Variants in ACVR1 observed in about 807,000 individuals in gnomAD.
ACVR1 encodes the protein activin receptor type-1.
ACVR1 carries 38 observed loss-of-function variants against 57.1 expected under a neutral mutation model. That is an observed-to-expected ratio of 0.67 (90% confidence interval 0.51 to 0.87). The LOEUF is 0.87. ACVR1 is among the 40% of genes least tolerant of loss of function. The pLI, the probability that ACVR1 is intolerant of heterozygous loss-of-function variation, is 0.00. For synonymous variants in ACVR1, 212 were observed against 228.1 expected, an observed-to-expected ratio of 0.93 and a Z score of 0.63; for missense variants, 463 against 638.2, an observed-to-expected ratio of 0.73 and a Z score of 2.96.
chr2:157,801,424 T>C (rs189853307), intron 2 of ACVR1, among the ~76,000 whole-genome samples: 4 of 152,352 alleles, frequency 2.6e-5, no homozygotes, highest in Admixed American at 6.5e-5. Context: ...ATATTATTAA[T>C]GCAAGCACCA....
chr2:157,801,036 C>A (rs1481845402), intron 2 of ACVR1, among the ~76,000 whole-genome samples: 1 of 152,152 alleles, frequency 6.6e-6, no homozygotes, highest in Non-Finnish European at 1.5e-5. Context: ...CAGTCTCCAG[C>A]ACTGGTCCAC....
chr2:157,841,472 G>A (rs917672049), intron 1 of ACVR1, among the ~76,000 whole-genome samples: 1 of 152,114 alleles, frequency 6.6e-6, no homozygotes, highest in African/African-American at 2.4e-5. Flanking sequence ...TTTAACGACC[G>A]CATTTACCTA....
At chr2:157,749,760 T>C (rs1685109070) in intron 9 of ACVR1, among the ~76,000 whole-genome samples, 1 of 152,102 alleles carries the variant, frequency 6.6e-6, no homozygotes, top group South Asian at 2.1e-4. Flanking sequence ...AAGCATGCCA[T>C]CTGGAGGTCT....
At chr2:157,867,043 T>G (rs2105384899) in intron 1 of ACVR1, among the ~76,000 whole-genome samples, 1 of 152,324 alleles carries the variant, frequency 6.6e-6, no homozygotes, top group East Asian at 1.9e-4. Context: ...AGGGCTCAAG[T>G]AAGCATTCTT....
intron 3 of ACVR1, among the ~76,000 whole-genome samples, chr2:157,786,947 G>C (rs750366890): frequency 2.6e-5 from 4 of 151,960 alleles, no homozygotes; most frequent in Non-Finnish European, 5.9e-5. Context: ...GTGGGGAAGA[G>C]AGAATTACAT....
intron 10 of ACVR1, among the ~76,000 whole-genome samples, chr2:157,737,904 C>A (rs1472230020): frequency 6.6e-6 from 1 of 152,136 alleles, no homozygotes; most frequent in South Asian, 2.1e-4. Context: ...ATTAGGTAAA[C>A]GACATAGGCC....
rs1413755699 is a variant in ACVR1 at position 157,761,184 on chromosome 2, G to A, written c.1067-107C>T. ...TCAAAAGTGCCCTCTTGTGGATCCA[G>A]GGTCACTGTTGCAATACACTCAGAA... On this transcript the variant is annotated intron_variant, in intron 8 of 10. Coordinates refer to ENST00000434821, the MANE Select transcript of ACVR1 (RefSeq NM_001111067.4). 1.5e-5 allele frequency: 16 copies of A among 1,058,122 alleles called. No individual in the cohort carries two copies. In the East Asian group the frequency reaches 3.6e-4, roughly 24 times the overall value. 65.5% of individuals were successfully genotyped at this position (1,058,122 alleles called of 1,614,324 possible).
At chr2:157,758,642 CAT>C (rs1455930922) in intron 9 of ACVR1, among the ~76,000 whole-genome samples, 1 of 152,046 alleles carries the variant, frequency 6.6e-6, no homozygotes, top group Non-Finnish European at 1.5e-5. Context: ...CTGAACAGAT[CAT>C]CTAGACAGAA....
At chr2:157,766,526 T>G (rs1049097521) in intron 7 of ACVR1, among the ~76,000 whole-genome samples, 3 of 152,232 alleles carry the variant, frequency 2.0e-5, no homozygotes, top group African/African-American at 7.2e-5. Flanking sequence ...CATGTTGATA[T>G]TTTAGGAACA....
At position 157,864,219 on chromosome 2, in the gene ACVR1, AT is replaced by A. The variant is rs546464416; in HGVS notation, c.-183+11576del. ...TATGGGAAATAAAGAAATTTATATT[AT>A]TTTTTTTTTTGAGACAGGAGTCTGT... On this transcript the variant is annotated intron_variant, in intron 1 of 10. Transcript: ENST00000434821. 7.7e-4 allele frequency among the ~76,000 whole-genome samples: 112 copies of A among 145,948 alleles called. 1 individual carries two copies. The highest frequency in any genetic ancestry group is 3.2e-3 in the East Asian group (16 of 4,968).
chr2:157,861,313 A>G (rs1689709440), intron 1 of ACVR1, among the ~76,000 whole-genome samples: 1 of 152,140 alleles, frequency 6.6e-6, no homozygotes, highest in Non-Finnish European at 1.5e-5. Context: ...AGAAGGATAG[A>G]ATGGCCATGA....
chr2:157,770,747 A>G (rs1383143249), intron 6 of ACVR1, among the ~76,000 whole-genome samples: 2 of 152,218 alleles, frequency 1.3e-5, no homozygotes, highest in African/African-American at 4.8e-5. Flanking sequence ...TATTGTGATA[A>G]CAAACTGCCT....
chr2:157,864,897 T>C (rs1689856960), intron 1 of ACVR1, among the ~76,000 whole-genome samples: 2 of 151,934 alleles, frequency 1.3e-5, no homozygotes, highest in African/African-American at 4.8e-5. Context: ...AATAAAAAGC[T>C]GACTATATGA....
chr2:157,863,205 G>C (rs1689786490), intron 1 of ACVR1, among the ~76,000 whole-genome samples: 1 of 149,832 alleles, frequency 6.7e-6, no homozygotes, highest in Admixed American at 6.6e-5. Context: ...TAGTGATGAG[G>C]TTTCACCATG....
chr2:157,779,950 C>T (rs965467154), intron 4 of ACVR1, among the ~76,000 whole-genome samples: 8 of 152,120 alleles, frequency 5.3e-5, no homozygotes, highest in African/African-American at 1.9e-4. Context: ...TTCTGTTTTC[C>T]TCCCTACACA....
intron 1 of ACVR1, among the ~76,000 whole-genome samples, chr2:157,857,058 G>C (rs939148610): frequency 6.6e-6 from 1 of 152,088 alleles, no homozygotes; most frequent in African/African-American, 2.4e-5. Context: ...AATTAGCCAG[G>C]TGTGGTGGTA....
At chr2:157,782,178 C>G (rs1390217432) in intron 3 of ACVR1, among the ~76,000 whole-genome samples, 1 of 152,190 alleles carries the variant, frequency 6.6e-6, no homozygotes, top group Admixed American at 6.5e-5. Context: ...CTTCCCTCTT[C>G]AAAGAAGTGG....
chr2:157,853,553 A>G (rs1431656230), intron 1 of ACVR1, among the ~76,000 whole-genome samples: 1 of 152,214 alleles, frequency 6.6e-6, no homozygotes, highest in Non-Finnish European at 1.5e-5. Flanking sequence ...TCAGATGAAT[A>G]GACACCATTG....
At chr2:157,799,363 T>C (rs1687240360) in intron 3 of ACVR1, 64 bp downstream of exon 3, 2 of 1,083,818 alleles carry the variant, frequency 1.8e-6, no homozygotes, top group Admixed American at 2.0e-5. Context: ...AAGTAGTTTA[T>C]AGTAAGCCAA....
Sources: allele counts gnomAD v4.1 joint callset (sites outside exome capture counted in the v4.1 genomes callset), GRCh38; gene constraint gnomAD v4.1.1; transcripts MANE v1.5; gene names NCBI Gene and HGNC (gene_info 2026-07-23, HGNC 2026-07-21).